Variants in C2orf92 observed in about 807,000 individuals in gnomAD.
C2orf92 encodes the protein uncharacterized protein C2orf92.
At chr2:97,701,083 C>G (rs1201303264) in intron 6 of C2orf92, 71 bp from the exon 7 acceptor site, 1 of 396,784 alleles carries the variant, frequency 2.5e-6, no homozygotes, top group Non-Finnish European at 4.4e-6. Flanking sequence ...GTGTCCCTTG[C>G]AGGCTTAGTC....
At chr2:97,666,996 G>C (rs1470331076), upstream of C2orf92, 1 of 152,060 alleles carries the variant, frequency 6.6e-6, no homozygotes, top group Admixed American at 6.6e-5. Flanking sequence ...CCTCTATCCT[G>C]AATTTTGAAA....
chr2:97,670,572 T>G (rs1169780701), intron 1 of C2orf92: 1 of 152,136 alleles, frequency 6.6e-6, no homozygotes, highest in African/African-American at 2.4e-5. Context: ...CTATTTATTG[T>G]TATTATTTTT....
At chr2:97,700,816 G>A (rs570725545) in intron 6 of C2orf92, among the ~76,000 whole-genome samples, 32 of 151,662 alleles carry the variant, frequency 2.1e-4, no homozygotes, top group Admixed American at 1.7e-3. Flanking sequence ...GGCAACCTCC[G>A]CCTCCCGGGT....
chr2:97,664,115 G>C (rs983515718), upstream of C2orf92: 4 of 266,724 alleles, frequency 1.5e-5, no homozygotes, highest in Admixed American at 1.1e-4. Flanking sequence ...GGGGCTGGCT[G>C]CGCGAAGGGG....
chr2:97,694,290 G>A (rs1322970398), intron 5 of C2orf92, among the ~76,000 whole-genome samples: 1 of 149,900 alleles, frequency 6.7e-6, no homozygotes, highest in East Asian at 1.9e-4. Context: ...TATCGCCCAG[G>A]CTGCAGTGGC....
chr2:97,688,937 C>A lies in C2orf92; in HGVS notation c.275C>A (p.Pro92Gln), dbSNP rs1300960158. Reference sequence around the variant, plus strand: ...GTGTTTCCAAAGTTTCCGTATGACCCATCATTTAACGAAGCAACAGCAGTC... The same window carrying A: ...GTGTTTCCAAAGTTTCCGTATGACCAATCATTTAACGAAGCAACAGCAGTC... ...LQVFPKFPYDPSFNEATAVRS... is the reference protein window; with the variant it reads ...LQVFPKFPYDQSFNEATAVRS... Residue 92 changes from proline to glutamine, a missense_variant, in exon 4 of 8, where the codon CCA (proline) becomes CAA (glutamine). Transcript: ENST00000627399. 7.5e-6 allele frequency: 3 copies of A among 398,434 alleles called. No homozygotes were observed. In the East Asian group the frequency reaches 1.1e-4, roughly 14 times the overall value. The allele number at this position is 398,434 out of a possible 1,614,324, so 24.7% of individuals were successfully genotyped here.
At chr2:97,690,439 G>A (rs183198960) in intron 5 of C2orf92, 112 bp downstream of exon 5, 22 of 379,848 alleles carry the variant, frequency 5.8e-5, no homozygotes, top group East Asian at 3.3e-4. Flanking sequence ...GGAGTACAGC[G>A]GTGCAGTCTC....
rs570856039 is a variant in C2orf92, at chr2:97,677,069, T to C, written c.232+1141T>C. Reference sequence around the variant, plus strand: ...GTAGAACACTTGCAGTGTCCAAGAGTGAGCTTGATGAAGAGGCTGCCGAAT... The same window carrying C: ...GTAGAACACTTGCAGTGTCCAAGAGCGAGCTTGATGAAGAGGCTGCCGAAT... On this transcript the variant is annotated intron_variant, in intron 3 of 7. Coordinates refer to ENST00000627399, the MANE Select transcript of C2orf92 (RefSeq NM_001351368.2). Among the ~76,000 whole-genome samples the C allele has an allele frequency of 2.0e-5, 3 of 152,150 alleles. No individual in the cohort carries two copies. The East Asian group carries it at 5.8e-4, about 29-fold the overall frequency.
upstream of C2orf92, among the ~76,000 whole-genome samples, chr2:97,666,563 A>G (rs1029772035): frequency 4.8e-5 from 7 of 146,140 alleles, no homozygotes; most frequent in Middle Eastern, 3.7e-3. Context: ...TGGGGTTGAG[A>G]TGGGCACGGT....
At chr2:97,680,595 T>C (rs1675735909) in intron 3 of C2orf92, among the ~76,000 whole-genome samples, 1 of 152,110 alleles carries the variant, frequency 6.6e-6, no homozygotes, top group Non-Finnish European at 1.5e-5. Flanking sequence ...CAAGGATAGT[T>C]GGAGACTTCA....
At chr2:97,687,091 A>C (rs1024918183) in intron 3 of C2orf92, among the ~76,000 whole-genome samples, 2 of 151,796 alleles carry the variant, frequency 1.3e-5, no homozygotes, top group Admixed American at 6.6e-5. Context: ...TGGGCCAGGC[A>C]TGGTGGCTCA....
intron 5 of C2orf92, among the ~76,000 whole-genome samples, chr2:97,694,788 A>G (rs1676257934): frequency 6.6e-6 from 1 of 152,022 alleles, no homozygotes; most frequent in East Asian, 1.9e-4. Flanking sequence ...TTTTGGTTTT[A>G]ATTTTCTGAG....
chr2:97,702,567 C>A, intron 7 of C2orf92, 102 bp from the exon 8 acceptor site: 1 of 397,476 alleles, frequency 2.5e-6, no homozygotes, highest in East Asian at 3.6e-5. Context: ...GAAGCAGAAT[C>A]CTCACGCTGG....
intron 3 of C2orf92, 121 bp from the exon 4 acceptor site, chr2:97,688,774 C>T (rs1419070068): frequency 7.6e-6 from 3 of 396,042 alleles, no homozygotes; most frequent in Non-Finnish European, 8.9e-6. Flanking sequence ...AATAACGTCC[C>T]ATATCTGTGG....
intron 6 of C2orf92, among the ~76,000 whole-genome samples, chr2:97,700,873 G>A (rs1676470184): frequency 6.6e-6 from 1 of 152,102 alleles, no homozygotes; most frequent in Non-Finnish European, 1.5e-5. Flanking sequence ...GGGACTACAG[G>A]CGCCCGCCAC....
In C2orf92 at chr2:97,702,554, T is replaced by C. The variant is rs1419336572; in HGVS notation, c.666-115T>C. On this transcript the variant is annotated intron_variant, in intron 7 of 7. Transcript: ENST00000627399. ...TTTCACAGATGACAAACCTTACTGA[T>C]GGGAAGCAGAATCCTCACGCTGGGA... is the stretch of plus-strand genomic sequence containing the variant. 443 of 396,682 alleles carry C rather than the reference T, an allele frequency of 1.1e-3. 3 individuals carry two copies. The highest frequency in any genetic ancestry group is 5.3e-5 in the Non-Finnish European group (12 of 225,194). 24.6% of individuals were successfully genotyped at this position (396,682 alleles called of 1,614,324 possible).
chr2:97,695,142 G>A (rs945168805), intron 5 of C2orf92, among the ~76,000 whole-genome samples: 2 of 152,100 alleles, frequency 1.3e-5, no homozygotes, highest in Non-Finnish European at 2.9e-5. Context: ...CTTTTGATGC[G>A]CAAAATTTTA....
At chr2:97,669,660 T>C (rs1675344296), upstream of C2orf92, 1 of 394,418 alleles carries the variant, frequency 2.5e-6, no homozygotes, top group South Asian at 1.4e-4. Flanking sequence ...TTGAGCAGGC[T>C]CCACCTCACT....
At chr2:97,702,274 C>G (rs1220925668) in intron 7 of C2orf92, 1 of 153,666 alleles carries the variant, frequency 6.5e-6, no homozygotes, top group African/African-American at 2.4e-5. Context: ...TCTCTCCATG[C>G]CAAGGCTCCT....
Sources: allele counts gnomAD v4.1 joint callset (sites outside exome capture counted in the v4.1 genomes callset), GRCh38; gene constraint gnomAD v4.1.1; transcripts MANE v1.5; gene names NCBI Gene and HGNC (gene_info 2026-07-23, HGNC 2026-07-21).